MCM6: variants seen among roughly 807,000 people sequenced by gnomAD.
The protein encoded by MCM6 is DNA replication licensing factor MCM6.
A neutral mutation model predicts 94.3 loss-of-function variants in MCM6; 46 were observed. The ratio of observed to expected loss-of-function variants is 0.49; its 90% CI spans 0.39 to 0.62. MCM6 has a LOEUF of 0.62. Among genes scored for constraint, MCM6 ranks in the 20% least tolerant of loss-of-function variants. MCM6 has a pLI of 0.00. For synonymous variants in MCM6, 335 were observed against 351.9 expected (o/e 0.95, Z 0.54); for missense variants, 865 against 1,017.9 (o/e 0.85, Z 2.04).
chr2:135,868,675 A>G lies in MCM6; in HGVS notation c.551T>C (p.Val184Ala). ...YTQPNICRNP[V>A]CANRRRFLLD... Reference sequence around the variant, plus strand: ...TAAGAATCTCCTCCTGTTGGCACAAACTGGATTTCGGCAGATGTTTGGCTG... The same window carrying G: ...TAAGAATCTCCTCCTGTTGGCACAAGCTGGATTTCGGCAGATGTTTGGCTG... Residue 184 changes from valine (V) to alanine (A), a missense_variant, in exon 4 of 17, where the codon GTT becomes GCT. Physicochemically the swap from Val to Ala is moderately conservative, Grantham distance 64. Transcript: ENST00000264156. 1.2e-6 allele frequency: 2 copies of G among 1,614,186 alleles called. No homozygotes were observed. Among genetic ancestry groups the G allele is most frequent in the Non-Finnish European group, 8.5e-7 (1 of 1,180,022 alleles).
chr2:135,849,672 A>C (rs1679737121), intron 13 of MCM6, among the ~76,000 whole-genome samples: 1 of 152,186 alleles, frequency 6.6e-6, no homozygotes, highest in Admixed American at 6.5e-5. Flanking sequence ...AGCTGATAAG[A>C]CTCAATGAAC....
At position 135,857,886 on chromosome 2, in the gene MCM6, A is replaced by G. The variant is rs769646433; in HGVS notation, c.1470+11T>C. On this transcript the variant is annotated intron_variant, in intron 10 of 16. Coordinates refer to ENST00000264156, the MANE Select transcript of MCM6 (RefSeq NM_005915.6). Reference sequence around the variant, plus strand: ...GGACGATGCAGCAGAACAGAAGTAGATAACACATACCTTCACTCCTGCTTT... The same window carrying G: ...GGACGATGCAGCAGAACAGAAGTAGGTAACACATACCTTCACTCCTGCTTT... The G allele has an allele frequency of 1.6e-4, 260 of 1,606,984 alleles. No homozygotes were observed. Among genetic ancestry groups the G allele is most frequent in the Non-Finnish European group, 2.1e-4 (250 of 1,173,860 alleles).
rs561988344 is a variant in MCM6, at chr2:135,868,966, T to C, written c.366-106A>G. 295 of 1,114,888 alleles carry C rather than the reference T, an allele frequency of 2.6e-4. No individual in the cohort carries two copies. The Middle Eastern group carries it at 3.7e-3, about 14-fold the overall frequency. The allele number at this position is 1,114,888 out of a possible 1,614,324, so 69.1% of individuals were successfully genotyped here. ...AGATAATTTATGTTTAAAAAAAAAA[T>C]TCAAGAGACAAGGTATTCTTTGGAC... is the stretch of plus-strand genomic sequence containing the variant. On this transcript the variant is annotated intron_variant, in intron 3 of 16. Coordinates refer to ENST00000264156, the MANE Select transcript of MCM6 (RefSeq NM_005915.6).
At chr2:135,859,793 C>T (rs1442369164) in intron 8 of MCM6, among the ~76,000 whole-genome samples, 1 of 151,560 alleles carries the variant, frequency 6.6e-6, no homozygotes, top group Non-Finnish European at 1.5e-5. Flanking sequence ...AGAGTTAATA[C>T]CTGATAAAAA....
At chr2:135,864,524 G>A (rs953282172) in intron 7 of MCM6, among the ~76,000 whole-genome samples, 2 of 152,034 alleles carry the variant, frequency 1.3e-5, no homozygotes, top group African/African-American at 4.8e-5. Flanking sequence ...AAAAGGCCAG[G>A]AGACTAGTCT....
intron 15 of MCM6, 105 bp from the exon 16 acceptor site, chr2:135,844,789 T>C (rs554145973): frequency 3.3e-6 from 4 of 1,206,436 alleles, no homozygotes; most frequent in Non-Finnish European, 1.1e-6. Context: ...ATTAGATAAA[T>C]GTCAAGCCGT....
intron 7 of MCM6, 50 bp from the exon 8 acceptor site, chr2:135,862,798 T>C: frequency 6.3e-7 from 1 of 1,594,160 alleles, no homozygotes; most frequent in Non-Finnish European, 8.6e-7. Context: ...CAACATGAAG[T>C]TAAACACTTT....
rs763192659 is a variant in MCM6, at chr2:135,866,154, C to T, written c.905G>A (p.Cys302Tyr). 3 of 1,613,998 alleles carry T rather than the reference C, an allele frequency of 1.9e-6. No individual in the cohort carries two copies. The highest frequency in any genetic ancestry group is 2.5e-6 in the Non-Finnish European group (3 of 1,180,008). ...LSYRLVFLACCVAPTNPRFGG... is the reference protein window; with the variant it reads ...LSYRLVFLACYVAPTNPRFGG... ...GACCCTTGGGTTGGTTGGCGCAACA[C>T]AGCAGGCAAGAAAGACCAGCCTATA... The change falls in exon 6 of 17, where the codon TGT becomes TAT. Residue 302 changes from cysteine to tyrosine, a missense_variant. Cys to Tyr is a radical substitution (Grantham distance 194). Transcript: ENST00000264156.
At chr2:135,845,652 A>C (rs1334602397) in intron 15 of MCM6, among the ~76,000 whole-genome samples, 3 of 152,236 alleles carry the variant, frequency 2.0e-5, no homozygotes, top group African/African-American at 7.2e-5. Flanking sequence ...ATCAAGTAGA[A>C]GTTTAGGTTC....
intron 11 of MCM6, among the ~76,000 whole-genome samples, chr2:135,853,938 T>C (rs1233797218): frequency 1.3e-5 from 2 of 152,214 alleles, no homozygotes; most frequent in East Asian, 1.9e-4. Flanking sequence ...AATTAAGAAG[T>C]TGTCTGGGCG....
intron 2 of MCM6, among the ~76,000 whole-genome samples, 162 bp downstream of exon 2, chr2:135,872,534 AG>A (rs1484459810): frequency 6.6e-6 from 1 of 152,202 alleles, no homozygotes; most frequent in African/African-American, 2.4e-5. Context: ...AGTTCAGAGC[AG>A]TACTAAAACG....
intron 8 of MCM6, 23 bp from the exon 9 acceptor site, chr2:135,859,465 G>C: frequency 6.4e-7 from 1 of 1,567,424 alleles, no homozygotes; most frequent in Non-Finnish European, 8.7e-7. Context: ...ATCACATAAA[G>C]ACTCATTAAT....
At chr2:135,872,309 G>A (rs912070053) in intron 2 of MCM6, among the ~76,000 whole-genome samples, 2 of 152,062 alleles carry the variant, frequency 1.3e-5, no homozygotes, top group African/African-American at 2.4e-5. Context: ...TTAGCCGGGC[G>A]TGATGGTGGG....
intron 12 of MCM6, among the ~76,000 whole-genome samples, chr2:135,852,316 G>T (rs575451951): frequency 1.3e-5 from 2 of 152,112 alleles, no homozygotes; most frequent in South Asian, 4.2e-4. Context: ...AAGCATTTGG[G>T]GGTTTATGTC....
chr2:135,840,678 A>C lies in MCM6; in HGVS notation c.*157T>G, dbSNP rs1360377988. 11 of 587,322 alleles carry C rather than the reference A, an allele frequency of 1.9e-5. No homozygotes were observed. The Middle Eastern group carries it at 1.3e-3, about 72-fold the overall frequency. The allele number at this position is 587,322 out of a possible 1,614,324, so 36.4% of individuals were successfully genotyped here. A position where few individuals can be genotyped will look rare whatever the true frequency, so the allele number is the denominator to read the frequency against. ...TGGTATGAAACCTGTGATGAATGTG[A>C]CACATAGGACCATCAACTCAATTCT... is the stretch of plus-strand genomic sequence containing the variant. On this transcript the variant is annotated 3_prime_UTR_variant, in exon 17 of 17. Coordinates refer to ENST00000264156, the MANE Select transcript of MCM6 (RefSeq NM_005915.6).
At chr2:135,856,148 A>G (rs1398193954) in intron 11 of MCM6, among the ~76,000 whole-genome samples, 1 of 152,188 alleles carries the variant, frequency 6.6e-6, no homozygotes, top group Admixed American at 6.5e-5. Context: ...AAATCTTAAG[A>G]GTGTGGTTGG....
chr2:135,872,787 C>T lies in MCM6; in HGVS notation c.164G>A (p.Arg55His), dbSNP rs763275628. ...KYLQLAEELI[R>H]PERNTLVVSF... ...CACAACCAATGTGTTTCTCTCAGGA[C>T]GAATCAGTTCCTCTGCTAATTGCAA... Residue 55 changes from arginine (R) to histidine (H), a missense_variant, in exon 2 of 17, where the codon CGT becomes CAT. Transcript: ENST00000264156. 32 of 1,614,140 alleles carry T rather than the reference C, an allele frequency of 2.0e-5. No homozygotes were observed. The highest frequency in any genetic ancestry group is 2.6e-5 in the Non-Finnish European group (31 of 1,180,038).
At chr2:135,865,748 C>T (rs1680083081) in intron 6 of MCM6, among the ~76,000 whole-genome samples, 1 of 151,930 alleles carries the variant, frequency 6.6e-6, no homozygotes, top group Admixed American at 6.6e-5. Flanking sequence ...GAAAGGCATA[C>T]GTCAAAAGAT....
chr2:135,846,444 C>T (rs770796626), intron 14 of MCM6, 52 bp from the exon 15 acceptor site: 3 of 1,482,516 alleles, frequency 2.0e-6, no homozygotes, highest in Middle Eastern at 1.7e-4. Context: ...TTAACATCCC[C>T]TTGTCAAGCA....
Sources: gnomAD v4.1 joint callset for allele counts (sites outside exome capture counted in the v4.1 genomes callset) on GRCh38, gnomAD v4.1.1 for gene constraint, MANE v1.5 for transcripts, NCBI Gene and HGNC (gene_info 2026-07-23, HGNC 2026-07-21) for gene names.